Variants in FHIT observed in about 807,000 individuals in gnomAD.
The protein encoded by FHIT is fragile histidine triad diadenosine triphosphatase, also known as bis(5'-adenosyl)-triphosphatase.
Under a neutral mutation model 17.9 loss-of-function variants are expected in FHIT, and 19 were observed. That is an observed-to-expected ratio of 1.06 (90% CI 0.74 to 1.56). The LOEUF is 1.56. FHIT is among the 40% of genes most tolerant of loss of function. The probability of loss-of-function intolerance (pLI) is 0.00; values close to 1 mark genes in which losing one functional copy is unlikely to be tolerated. For synonymous variants in FHIT, 81 were observed against 69.7 expected (o/e 1.16, Z -0.81); for missense variants, 248 against 189.2 (o/e 1.31, Z -1.82).
At chr3:60,891,304 G>A (rs1228219128) in intron 3 of FHIT, among the ~76,000 whole-genome samples, 3 of 152,088 alleles carry the variant, frequency 2.0e-5, no homozygotes, top group Admixed American at 6.5e-5. Context: ...ATGTTGCTCA[G>A]AAGGGTTTGA....
At chr3:60,008,759 CAG>C (rs1424611615) in intron 7 of FHIT, among the ~76,000 whole-genome samples, 1 of 152,210 alleles carries the variant, frequency 6.6e-6, no homozygotes, top group African/African-American at 2.4e-5. Context: ...ATGAAATGCT[CAG>C]AGGCTTGAAT....
chr3:61,217,142 A>G (rs1370902963), intron 1 of FHIT, among the ~76,000 whole-genome samples: 1 of 152,170 alleles, frequency 6.6e-6, no homozygotes, highest in Non-Finnish European at 1.5e-5. Context: ...CTTAAAGTAT[A>G]ATAATAATAA....
At chr3:60,496,159 T>C (rs1258835189) in intron 5 of FHIT, among the ~76,000 whole-genome samples, 1 of 152,082 alleles carries the variant, frequency 6.6e-6, no homozygotes, top group Non-Finnish European at 1.5e-5. Flanking sequence ...CTAAACATTT[T>C]AGTATCAAAG....
In FHIT at chr3:59,926,420, G is replaced by A. The variant is rs186936934; in HGVS notation, c.280-4006C>T. On this transcript the variant is annotated intron_variant, in intron 7 of 9. Coordinates refer to ENST00000492590, the MANE Select transcript of FHIT (RefSeq NM_002012.4). ...TAGAGCTTATATTCCAATGGGTGAT[G>A]CAGAAGATAAGTAAGGAAATGACTA... Among the ~76,000 whole-genome samples, 759 of 152,336 alleles carry A rather than the reference G, an allele frequency of 5.0e-3. 9 individuals carry two copies. Among genetic ancestry groups the A allele is most frequent in the African/African-American group, 0.018 (729 of 41,574 alleles).
chr3:60,597,033 T>C (rs1376371488), intron 4 of FHIT, among the ~76,000 whole-genome samples: 2 of 152,166 alleles, frequency 1.3e-5, no homozygotes, highest in East Asian at 3.9e-4. Context: ...TCCCAAATTA[T>C]TTTACACAGC....
intron 5 of FHIT, among the ~76,000 whole-genome samples, chr3:60,229,169 T>G (rs1430454578): frequency 6.6e-6 from 1 of 152,084 alleles, no homozygotes; most frequent in Non-Finnish European, 1.5e-5. Context: ...GTAATCGCAG[T>G]ACTTTGGGAG....
intron 2 of FHIT, among the ~76,000 whole-genome samples, chr3:61,132,030 G>A (rs1234215114): frequency 1.3e-5 from 2 of 152,150 alleles, no homozygotes; most frequent in Non-Finnish European, 2.9e-5. Flanking sequence ...GGTAGAATAG[G>A]GATGATATGC....
chr3:60,839,396 T>C (rs1281659645), intron 3 of FHIT, among the ~76,000 whole-genome samples: 1 of 152,174 alleles, frequency 6.6e-6, no homozygotes, highest in Non-Finnish European at 1.5e-5. Flanking sequence ...ATGACTTCAG[T>C]GTCTCTGTGA....
intron 4 of FHIT, among the ~76,000 whole-genome samples, chr3:60,561,360 T>A (rs891902641): frequency 1.3e-5 from 2 of 152,148 alleles, no homozygotes; most frequent in African/African-American, 2.4e-5. Flanking sequence ...TTCAGGTCAT[T>A]TCTTCTCTCA....
chr3:61,076,092 A>T (rs185138729), intron 2 of FHIT, among the ~76,000 whole-genome samples: 1 of 152,324 alleles, frequency 6.6e-6, no homozygotes, highest in Admixed American at 6.5e-5. Flanking sequence ...ACCTAAGGTT[A>T]TAAAGGTAGC....
rs564100798 is a variant in FHIT, at chr3:60,600,016, G to C, written c.-17-63037C>G. ...GATGTCGCTAAATGTGTTCAGATGGGGAAAGGGGAGATATAAAATCACTCC... is the reference window on the plus strand; with the variant it reads ...GATGTCGCTAAATGTGTTCAGATGGCGAAAGGGGAGATATAAAATCACTCC... On this transcript the variant is annotated intron_variant, in intron 4 of 9. Coordinates refer to ENST00000492590, the MANE Select transcript of FHIT (RefSeq NM_002012.4). Among the ~76,000 whole-genome samples the C allele has an allele frequency of 4.6e-5, 7 of 152,248 alleles. No individual in the cohort carries two copies. The East Asian group carries it at 1.4e-3, about 29-fold the overall frequency.
At chr3:59,887,240 C>T (rs1037007696) in intron 8 of FHIT, among the ~76,000 whole-genome samples, 7 of 152,114 alleles carry the variant, frequency 4.6e-5, no homozygotes, top group Non-Finnish European at 1.0e-4. Flanking sequence ...TAAAAACGAA[C>T]CAGAGCAAGA....
At chr3:59,927,954 G>C (rs1400377886) in intron 7 of FHIT, among the ~76,000 whole-genome samples, 1 of 152,194 alleles carries the variant, frequency 6.6e-6, no homozygotes, top group African/African-American at 2.4e-5. Context: ...CCTGAGGATT[G>C]CCAGTGTGGT....
intron 5 of FHIT, among the ~76,000 whole-genome samples, chr3:60,270,713 G>T (rs1706817085): frequency 6.6e-6 from 1 of 152,228 alleles, no homozygotes; most frequent in African/African-American, 2.4e-5. Context: ...CTAATATTCA[G>T]TTTCAGAGAT....
At chr3:59,881,770 C>T (rs1575636363) in intron 8 of FHIT, among the ~76,000 whole-genome samples, 1 of 152,022 alleles carries the variant, frequency 6.6e-6, no homozygotes, top group Admixed American at 6.6e-5. Flanking sequence ...AAGATCTTTG[C>T]CTGGTTATGG....
intron 5 of FHIT, among the ~76,000 whole-genome samples, chr3:60,385,633 G>A (rs974987724): frequency 2.0e-5 from 3 of 152,162 alleles, no homozygotes; most frequent in Non-Finnish European, 1.5e-5. Context: ...AGTCTAGAGT[G>A]CAGTTGCACG....
intron 5 of FHIT, among the ~76,000 whole-genome samples, chr3:60,203,904 T>G (rs1559724797): frequency 6.6e-6 from 1 of 151,956 alleles, no homozygotes; most frequent in Non-Finnish European, 1.5e-5. Context: ...CAATTGAACT[T>G]GTGAAGACAG....
chr3:60,482,607 T>C (rs2107478404), intron 5 of FHIT, among the ~76,000 whole-genome samples: 1 of 152,094 alleles, frequency 6.6e-6, no homozygotes, highest in Admixed American at 6.6e-5. Context: ...AAGGCGGAAA[T>C]CAAGAAGTTC....
At chr3:60,832,834 T>C (rs2106824187) in intron 3 of FHIT, among the ~76,000 whole-genome samples, 1 of 152,314 alleles carries the variant, frequency 6.6e-6, no homozygotes, top group Non-Finnish European at 1.5e-5. Context: ...TTTCAACATG[T>C]TAATAAAAGT....
Sources: allele counts gnomAD v4.1 joint callset (sites outside exome capture counted in the v4.1 genomes callset), GRCh38; gene constraint gnomAD v4.1.1; transcripts MANE v1.5; gene names NCBI Gene and HGNC (gene_info 2026-07-23, HGNC 2026-07-21).